DLC1: variants seen among roughly 807,000 people sequenced by gnomAD.
DLC1 encodes DLC1 Rho GTPase activating protein, also known as rho GTPase-activating protein 7.
DLC1 carries 54 observed loss-of-function variants against 140.3 expected under a neutral mutation model. The ratio of observed to expected loss-of-function variants is 0.38; its 90% CI spans 0.31 to 0.48. DLC1 has a LOEUF of 0.48. Among genes scored for constraint, DLC1 ranks in the 20% least tolerant of loss-of-function variants. DLC1 has a pLI of 0.96. For synonymous variants in DLC1, 986 were observed against 728.1 expected, an observed-to-expected ratio of 1.35 and a Z score of -5.70; for missense variants, 2,536 against 1,907.0, an observed-to-expected ratio of 1.33 and a Z score of -6.14.
Position 13,085,634 on chromosome 8 carries a change from C to A in DLC1, c.*177G>T. 2.3e-6 allele frequency: 2 copies of A among 880,950 alleles called. No individual in the cohort carries two copies. Among genetic ancestry groups the A allele is most frequent in the South Asian group, 4.3e-5 (2 of 46,142 alleles). The allele number at this position is 880,950 out of a possible 1,614,324, so 54.6% of individuals were successfully genotyped here. Reference sequence around the variant, plus strand: ...TCCAGTCAAGGTCTATGAATACAGACCCTCAACAAACAGGAAGCAGCTTTA... The same window carrying A: ...TCCAGTCAAGGTCTATGAATACAGAACCTCAACAAACAGGAAGCAGCTTTA... On this transcript the variant is annotated 3_prime_UTR_variant, in exon 18 of 18. Coordinates refer to ENST00000276297, the MANE Select transcript of DLC1 (RefSeq NM_182643.3).
intron 4 of DLC1, among the ~76,000 whole-genome samples, chr8:13,337,041 T>C (rs1352935413): frequency 6.6e-6 from 1 of 152,178 alleles, no homozygotes; most frequent in Admixed American, 6.6e-5. Context: ...AAAGTATAAC[T>C]TCCTTCCTGG....
intron 1 of DLC1, among the ~76,000 whole-genome samples, chr8:13,506,567 A>ATG (rs1487289216): frequency 4.1e-4 from 46 of 111,812 alleles, no homozygotes; most frequent in African/African-American, 1.6e-3. Flanking sequence ...ACACACACAC[A>ATG]TGTGTGTGTG....
chr8:13,602,811 G>T (rs1285467972), intron 1 of DLC1, among the ~76,000 whole-genome samples: 1 of 151,798 alleles, frequency 6.6e-6, no homozygotes, highest in Admixed American at 6.6e-5. Context: ...ATACTGTGAA[G>T]ATTTTAAGGA....
intron 2 of DLC1, among the ~76,000 whole-genome samples, chr8:13,426,920 C>A (rs941746683): frequency 6.6e-6 from 1 of 152,098 alleles, no homozygotes; most frequent in African/African-American, 2.4e-5. Context: ...TTTGTCATAT[C>A]ACGAGTTTTT....
intron 2 of DLC1, among the ~76,000 whole-genome samples, chr8:13,482,542 G>A (rs1313564650): frequency 6.6e-6 from 1 of 152,108 alleles, no homozygotes; most frequent in Non-Finnish European, 1.5e-5. Context: ...TATAGCTATA[G>A]AAATCATGTT....
intron 5 of DLC1, among the ~76,000 whole-genome samples, chr8:13,198,423 C>T (rs1427628008): frequency 6.6e-6 from 1 of 152,108 alleles, no homozygotes; most frequent in African/African-American, 2.4e-5. Flanking sequence ...CTCTTTGTAT[C>T]GTAGAGTCAT....
At chr8:13,502,040 T>G (rs927460006) in intron 1 of DLC1, among the ~76,000 whole-genome samples, 3 of 152,218 alleles carry the variant, frequency 2.0e-5, no homozygotes, top group African/African-American at 7.2e-5. Flanking sequence ...TATTTTAAGT[T>G]GAGCCTGAAT....
At chr8:13,229,670 G>A (rs574803874) in intron 5 of DLC1, among the ~76,000 whole-genome samples, 1 of 151,998 alleles carries the variant, frequency 6.6e-6, no homozygotes, top group African/African-American at 2.4e-5. Flanking sequence ...AGAGAGAAGA[G>A]AGAGAGAGAG....
intron 2 of DLC1, among the ~76,000 whole-genome samples, chr8:13,493,170 C>T (rs1474797032): frequency 6.6e-6 from 1 of 152,294 alleles, no homozygotes; most frequent in Non-Finnish European, 1.5e-5. Flanking sequence ...AGGCCTGTGT[C>T]ATTAAAACCA....
At chr8:13,236,669 T>C (rs979272015) in intron 5 of DLC1, among the ~76,000 whole-genome samples, 5 of 152,122 alleles carry the variant, frequency 3.3e-5, no homozygotes, top group African/African-American at 1.2e-4. Flanking sequence ...TGTACTTGCT[T>C]TGGAGATGGT....
At chr8:13,215,354 G>A (rs1004075952) in intron 5 of DLC1, among the ~76,000 whole-genome samples, 3 of 152,222 alleles carry the variant, frequency 2.0e-5, no homozygotes, top group Non-Finnish European at 4.4e-5. Context: ...GGGAGGCCGA[G>A]GTGCGTGGAT....
chr8:13,111,847 T>TA (rs1255541089), intron 6 of DLC1, among the ~76,000 whole-genome samples: 3 of 152,008 alleles, frequency 2.0e-5, no homozygotes, highest in African/African-American at 7.2e-5. Context: ...CACCACAAGC[T>TA]AAAAAATTCT....
At chr8:13,542,470 T>G (rs905499743) in intron 1 of DLC1, among the ~76,000 whole-genome samples, 1 of 152,166 alleles carries the variant, frequency 6.6e-6, no homozygotes, top group Admixed American at 6.5e-5. Flanking sequence ...AAGTCTGATT[T>G]TTTTTTTCCA....
chr8:13,316,593 A>G (rs545931293), intron 4 of DLC1, among the ~76,000 whole-genome samples: 147 of 152,240 alleles, frequency 9.7e-4, no homozygotes, highest in African/African-American at 3.4e-3. Flanking sequence ...AGAAGGAGAC[A>G]GAAGGGGAGG....
chr8:13,201,331 A>C (rs1444749473), intron 5 of DLC1, among the ~76,000 whole-genome samples: 1 of 152,206 alleles, frequency 6.6e-6, no homozygotes, highest in East Asian at 1.9e-4. Flanking sequence ...TGTAATAATA[A>C]AAATTAAAAT....
At chr8:13,209,429 G>A (rs960217931) in intron 5 of DLC1, among the ~76,000 whole-genome samples, 1 of 152,112 alleles carries the variant, frequency 6.6e-6, no homozygotes, top group African/African-American at 2.4e-5. Context: ...TCACTCACTA[G>A]TGGATGACTT....
At chr8:13,345,799 T>C (rs1834308987) in intron 4 of DLC1, among the ~76,000 whole-genome samples, 1 of 152,116 alleles carries the variant, frequency 6.6e-6, no homozygotes, top group East Asian at 1.9e-4. Context: ...CCTGAAGTGA[T>C]CCACTCTCTG....
At chr8:13,152,223 G>A (rs746483084) in intron 5 of DLC1, among the ~76,000 whole-genome samples, 2 of 152,190 alleles carry the variant, frequency 1.3e-5, no homozygotes, top group African/African-American at 2.4e-5. Flanking sequence ...TCCAAAGTCC[G>A]TAAGAAGTGT....
chr8:13,559,858 T>C (rs570257786), intron 1 of DLC1, among the ~76,000 whole-genome samples: 6 of 152,324 alleles, frequency 3.9e-5, no homozygotes, highest in Admixed American at 3.9e-4. Context: ...TTATATTCAT[T>C]TCCTAGATTC....
Sources: allele counts gnomAD v4.1 joint callset (sites outside exome capture counted in the v4.1 genomes callset), GRCh38; gene constraint gnomAD v4.1.1; transcripts MANE v1.5; gene names NCBI Gene and HGNC (gene_info 2026-07-23, HGNC 2026-07-21).